Variants in RAP1GAP2 observed in about 807,000 individuals in gnomAD.
RAP1GAP2 encodes the protein rap1 GTPase-activating protein 2.
RAP1GAP2 carries 27 observed loss-of-function variants against 95.0 expected under a neutral mutation model. The ratio of observed to expected loss-of-function variants is 0.28; its 90% CI spans 0.21 to 0.39. The LOEUF is 0.39. Ranked by LOEUF, RAP1GAP2 falls within the 10% of genes least tolerant of loss-of-function variation. RAP1GAP2 has a pLI of 1.00. For synonymous variants in RAP1GAP2, 373 were observed against 380.9 expected, an observed-to-expected ratio of 0.98 and a Z score of 0.24; for missense variants, 771 against 970.0, an observed-to-expected ratio of 0.79 and a Z score of 2.72.
chr17:2,775,499 C>T (rs1045508188), upstream of RAP1GAP2, among the ~76,000 whole-genome samples: 40 of 136,232 alleles, frequency 2.9e-4, no homozygotes, highest in African/African-American at 1.0e-3. Flanking sequence ...GGAGGGGGCA[C>T]GGGGCATGGG....
intron 3 of RAP1GAP2, among the ~76,000 whole-genome samples, chr17:2,947,498 GT>G (rs1319042098): frequency 3.9e-5 from 6 of 152,176 alleles, no homozygotes; most frequent in Non-Finnish European, 8.8e-5. Context: ...CGCTTGCTTC[GT>G]TGCATCTTGC....
intron 2 of RAP1GAP2, among the ~76,000 whole-genome samples, chr17:2,889,876 TATA>T (rs1335172223): frequency 2.5e-5 from 2 of 78,524 alleles, no homozygotes; most frequent in African/African-American, 1.1e-4. Flanking sequence ...TATATATATA[TATA>T]TATATATATA....
intron 1 of RAP1GAP2, among the ~76,000 whole-genome samples, chr17:2,789,625 A>C (rs1017304270): frequency 1.3e-5 from 2 of 150,188 alleles, no homozygotes; most frequent in South Asian, 4.2e-4. Flanking sequence ...AAAAAAAAAA[A>C]AAAAACATTA....
intron 1 of RAP1GAP2, among the ~76,000 whole-genome samples, chr17:2,763,824 G>C (rs112673887): frequency 1.3e-5 from 2 of 152,108 alleles, no homozygotes; most frequent in African/African-American, 2.4e-5. Flanking sequence ...GCAGGTGGCC[G>C]GGGCTGTATT....
intron 2 of RAP1GAP2, among the ~76,000 whole-genome samples, chr17:2,814,638 C>T (rs1042059582): frequency 2.6e-5 from 4 of 152,098 alleles, no homozygotes; most frequent in South Asian, 4.1e-4. Context: ...GTGCCCAGCT[C>T]GGGCTGTCTC....
At chr17:2,995,699 C>T (rs1181616003) in intron 13 of RAP1GAP2, among the ~76,000 whole-genome samples, 2 of 150,250 alleles carry the variant, frequency 1.3e-5, no homozygotes. Context: ...GGGCCCTGGG[C>T]GGGAGGCGGG....
chr17:2,858,474 A>T (rs1006443647), intron 2 of RAP1GAP2, among the ~76,000 whole-genome samples: 1 of 152,196 alleles, frequency 6.6e-6, no homozygotes, highest in East Asian at 1.9e-4. Flanking sequence ...CATAATACCT[A>T]CTTTCAGCCA....
intron 2 of RAP1GAP2, among the ~76,000 whole-genome samples, chr17:2,901,062 G>T (rs548022369): frequency 6.6e-6 from 1 of 152,342 alleles, no homozygotes; most frequent in East Asian, 1.9e-4. Flanking sequence ...CATGGCCTTT[G>T]ACTTCTCAGC....
intron 3 of RAP1GAP2, among the ~76,000 whole-genome samples, chr17:2,916,651 C>T (rs1040513207): frequency 2.6e-5 from 4 of 152,076 alleles, no homozygotes; most frequent in East Asian, 1.9e-4. Flanking sequence ...CGGTGGCCAC[C>T]GGGAGGAGTG....
intron 1 of RAP1GAP2, among the ~76,000 whole-genome samples, chr17:2,784,473 G>A (rs1170551359): frequency 6.6e-6 from 1 of 151,930 alleles, no homozygotes; most frequent in Non-Finnish European, 1.5e-5. Context: ...GTCTTGCCAT[G>A]TTAGCCAGGC....
chr17:2,912,336 A>G (rs897378903), intron 3 of RAP1GAP2, among the ~76,000 whole-genome samples: 2 of 152,146 alleles, frequency 1.3e-5, no homozygotes, highest in Non-Finnish European at 2.9e-5. Context: ...CTTGTAGCAC[A>G]GCCCCCGGCC....
rs980139822 is a variant in RAP1GAP2, at chr17:2,904,571, C to G, written c.81-713C>G. ...GTGTGTGTGTGTGTGTGTGTGTGTA[C>G]GTGCAGAGGGGCTCAAGGGAGAATG... On this transcript the variant is annotated intron_variant, in intron 2 of 24. Coordinates refer to ENST00000254695, the MANE Select transcript of RAP1GAP2 (RefSeq NM_015085.5). The surrounding 1 kb of genome is among the most constrained non-coding windows in gnomAD (Gnocchi z 4.7). Among the ~76,000 whole-genome samples, 1 of 23,178 alleles carries G rather than the reference C, an allele frequency of 4.3e-5. No homozygotes were observed. The highest frequency in any genetic ancestry group is 1.3e-4 in the Non-Finnish European group (1 of 7,854). The allele number at this position is 23,178 out of a possible 152,430, so 15.2% of individuals were successfully genotyped here.
intron 1 of RAP1GAP2, among the ~76,000 whole-genome samples, chr17:2,763,578 C>T (rs2068223983): frequency 6.6e-6 from 1 of 152,042 alleles, no homozygotes; most frequent in Admixed American, 6.6e-5. Flanking sequence ...TGCCTGTAAT[C>T]CCAGCTACTA....
rs117896912 is a variant in RAP1GAP2, at chr17:2,985,747, G to A, written c.813+681G>A. ...GCGAGTCTGATGGTGTACTCTGTGA[G>A]CAAATGACCTGGGGAGGGGTTGTCA... is the stretch of plus-strand genomic sequence containing the variant. On this transcript the variant is annotated intron_variant, in intron 11 of 24. Transcript: ENST00000254695. 7.6e-3 allele frequency among the ~76,000 whole-genome samples: 1,150 copies of A among 152,238 alleles called. 4 individuals carry two copies. Among genetic ancestry groups the A allele is most frequent in the South Asian group, 0.016 (77 of 4,826 alleles).
chr17:2,866,674 A>G lies in RAP1GAP2; in HGVS notation c.81-38610A>G, dbSNP rs2072626164. Among the ~76,000 whole-genome samples the G allele has an allele frequency of 6.6e-6, 1 of 152,120 alleles. No individual in the cohort carries two copies. Among genetic ancestry groups the G allele is most frequent in the South Asian group, 2.1e-4 (1 of 4,820 alleles). On this transcript the variant is annotated intron_variant, in intron 2 of 24. Transcript: ENST00000254695. The surrounding 1 kb of genome is among the most constrained non-coding windows in gnomAD (Gnocchi z 4.0). ...GAGTGCAGTGGTGCGATCTCGGCTC[A>G]CTGCAGCCTCCGCCTCCCGGGTTCA...
At chr17:2,992,246 T>C (rs1041044489) in intron 12 of RAP1GAP2, among the ~76,000 whole-genome samples, 14 of 150,268 alleles carry the variant, frequency 9.3e-5, no homozygotes, top group African/African-American at 2.9e-4. Flanking sequence ...TGGCAGCCTT[T>C]GCCTCCTGGG....
At chr17:2,829,235 C>T (rs1385520679) in intron 2 of RAP1GAP2, among the ~76,000 whole-genome samples, 1 of 152,130 alleles carries the variant, frequency 6.6e-6, no homozygotes, top group Admixed American at 6.6e-5. Flanking sequence ...CCACCCGCCT[C>T]AGCCTTAAAA....
intron 2 of RAP1GAP2, among the ~76,000 whole-genome samples, chr17:2,846,641 A>G (rs1241225582): frequency 6.6e-6 from 1 of 151,720 alleles, no homozygotes; most frequent in Non-Finnish European, 1.5e-5. Context: ...TAGAGCATGC[A>G]TGTTCACTGA....
At chr17:2,928,904 G>A (rs1439745116) in intron 3 of RAP1GAP2, among the ~76,000 whole-genome samples, 9 of 152,078 alleles carry the variant, frequency 5.9e-5, no homozygotes, top group Admixed American at 5.9e-4. Flanking sequence ...GAGACCCAGG[G>A]GCTGGTCTGG....
Sources: gnomAD v4.1 joint callset for allele counts (sites outside exome capture counted in the v4.1 genomes callset) on GRCh38, gnomAD v4.1.1 for gene constraint, Gnocchi (gnomAD v3.1) non-coding constraint, MANE v1.5 for transcripts, NCBI Gene and HGNC (gene_info 2026-07-23, HGNC 2026-07-21) for gene names.